Variants in RBFOX1 observed in about 807,000 individuals in gnomAD.
RBFOX1 encodes the protein RNA binding protein fox-1 homolog 1.
RBFOX1 carries 8 observed loss-of-function variants against 57.7 expected under a neutral mutation model. The observed-to-expected ratio is 0.14, with a 90% CI of 0.08 to 0.25. The LOEUF is 0.25. Ranked by LOEUF, RBFOX1 falls within the 10% of genes least tolerant of loss-of-function variation. The pLI is 1.00. For missense variants in RBFOX1, 611 were observed against 548.5 expected (o/e 1.11, Z -1.14); for synonymous variants, 326 against 222.4 (o/e 1.47, Z -4.15).
chr16:5,449,751 G>C (rs756151439), intron 1 of RBFOX1, among the ~76,000 whole-genome samples: 2 of 152,074 alleles, frequency 1.3e-5, no homozygotes, highest in Non-Finnish European at 2.9e-5. Flanking sequence ...TGGAAACACA[G>C]ATGTATGCCA....
At chr16:6,337,127 T>C (rs1326556373) in intron 2 of RBFOX1, among the ~76,000 whole-genome samples, 1 of 152,184 alleles carries the variant, frequency 6.6e-6, no homozygotes, top group East Asian at 1.9e-4. Flanking sequence ...TATAAATGCT[T>C]TATATTTATC....
chr16:7,066,678 C>G (rs757113187), intron 4 of RBFOX1, among the ~76,000 whole-genome samples: 1 of 152,120 alleles, frequency 6.6e-6, no homozygotes, highest in Non-Finnish European at 1.5e-5. Context: ...TCTATGTGTT[C>G]TAATTTAAGG....
At chr16:6,472,077 G>C (rs2095189052) in intron 2 of RBFOX1, among the ~76,000 whole-genome samples, 2 of 152,040 alleles carry the variant, frequency 1.3e-5, no homozygotes, top group Non-Finnish European at 2.9e-5. Flanking sequence ...TCGCTGACTA[G>C]TCATCAGACT....
At chr16:7,217,825 A>G (rs2092339313) in intron 4 of RBFOX1, among the ~76,000 whole-genome samples, 1 of 152,180 alleles carries the variant, frequency 6.6e-6, no homozygotes. Context: ...AAAGACTTAC[A>G]GCATTGTCAC....
At chr16:6,418,769 T>G (rs1230675462) in intron 2 of RBFOX1, among the ~76,000 whole-genome samples, 2 of 152,120 alleles carry the variant, frequency 1.3e-5, no homozygotes, top group South Asian at 2.1e-4. Context: ...CCTTAATCAG[T>G]CCCCCTGCCT....
Position 7,314,533 on chromosome 16 carries a change from A to G in RBFOX1, c.28-203614A>G, listed in dbSNP as rs570644800. On this transcript the variant is annotated intron_variant, in intron 4 of 15. Coordinates refer to ENST00000550418, the MANE Select transcript of RBFOX1 (RefSeq NM_018723.4). ...TTCATTGCCTTTCTGTAAAGAATGA[A>G]TGAAGAACGGGATGCGATCTGTCTT... Among the ~76,000 whole-genome samples, 7 of 152,324 alleles carry G rather than the reference A, an allele frequency of 4.6e-5. No homozygotes were observed. In the East Asian group the frequency reaches 5.8e-4, roughly 13 times the overall value.
At chr16:7,122,844 A>C (rs1340232564) in intron 4 of RBFOX1, among the ~76,000 whole-genome samples, 2 of 152,210 alleles carry the variant, frequency 1.3e-5, no homozygotes, top group African/African-American at 4.8e-5. Context: ...CATTACATGT[A>C]CACGTGGAAT....
At chr16:5,727,314 G>A (rs969427421) in intron 3 of RBFOX1, among the ~76,000 whole-genome samples, 22 of 152,034 alleles carry the variant, frequency 1.4e-4, no homozygotes, top group Admixed American at 2.6e-4. Context: ...ACCATGATGT[G>A]AAGACTGACT....
At chr16:7,443,258 A>G (rs1444837163) in intron 4 of RBFOX1, among the ~76,000 whole-genome samples, 1 of 152,056 alleles carries the variant, frequency 6.6e-6, no homozygotes, top group Non-Finnish European at 1.5e-5. Flanking sequence ...AGTTTGATTC[A>G]TATACCAAAA....
rs1319767069 is a variant in RBFOX1, at chr16:5,599,215, C to G, written c.572C>G (p.Thr191Ser). ...TGTCCTCTAAAAAAGACCAGGCCCA[C>G]TTGGTGGACAGATCCGGGGCACAGT... The change falls in exon 3 of 3, where the codon ACT (threonine) becomes AGT (serine). Residue 191 changes from threonine (T) to serine (S), a missense_variant. Transcript: ENST00000585867. 1.3e-5 allele frequency: 9 copies of G among 698,342 alleles called. No individual in the cohort carries two copies. The Middle Eastern group carries it at 1.2e-3, about 89-fold the overall frequency. 43.3% of individuals were successfully genotyped at this position (698,342 alleles called of 1,614,324 possible).
chr16:6,326,012 G>C (rs1374776178), intron 2 of RBFOX1, among the ~76,000 whole-genome samples: 1 of 152,192 alleles, frequency 6.6e-6, no homozygotes, highest in Non-Finnish European at 1.5e-5. Flanking sequence ...TGACTGACTT[G>C]TGTGCGTGAG....
intron 1 of RBFOX1, among the ~76,000 whole-genome samples, chr16:5,255,498 A>G (rs113866963): frequency 0.035 from 5,283 of 150,292 alleles, 287 homozygotes; most frequent in African/African-American, 0.12. Context: ...CTACCAAACC[A>G]TCTATCCATC....
intron 4 of RBFOX1, among the ~76,000 whole-genome samples, chr16:7,487,430 A>G (rs944142129): frequency 1.3e-5 from 2 of 152,176 alleles, no homozygotes; most frequent in Non-Finnish European, 2.9e-5. Context: ...TGCAGTTGAG[A>G]AATTCATCTT....
chr16:7,505,461 C>T (rs1231273908), intron 4 of RBFOX1, among the ~76,000 whole-genome samples: 2 of 152,164 alleles, frequency 1.3e-5, no homozygotes, highest in South Asian at 2.1e-4. Flanking sequence ...GGATGTCGCT[C>T]ATTTTTTAAG....
At chr16:6,373,636 A>G (rs1035420513) in intron 2 of RBFOX1, among the ~76,000 whole-genome samples, 2 of 151,296 alleles carry the variant, frequency 1.3e-5, no homozygotes, top group Non-Finnish European at 3.0e-5. Context: ...TAGGAGGATG[A>G]TTGGGTGGAA....
At chr16:6,686,776 C>T (rs1330826818) in intron 3 of RBFOX1, among the ~76,000 whole-genome samples, 1 of 152,196 alleles carries the variant, frequency 6.6e-6, no homozygotes, top group East Asian at 1.9e-4. Context: ...CCATTACACA[C>T]ACCCAACCCA....
intron 1 of RBFOX1, among the ~76,000 whole-genome samples, chr16:5,362,682 C>G (rs2065588064): frequency 6.6e-6 from 1 of 151,984 alleles, no homozygotes; most frequent in Non-Finnish European, 1.5e-5. Context: ...CACTTTATAC[C>G]CATTGAATAG....
At position 6,504,038 on chromosome 16, in the gene RBFOX1, T is replaced by C. The variant is rs181612165; in HGVS notation, c.-63-150565T>C. Reference sequence around the variant, plus strand: ...TTATACGTATGCATCTTTCTTATCTTTTATTGTTTCAGCACCACTGATAAT... The same window carrying C: ...TTATACGTATGCATCTTTCTTATCTCTTATTGTTTCAGCACCACTGATAAT... On this transcript the variant is annotated intron_variant, in intron 2 of 15. Coordinates refer to ENST00000550418, the MANE Select transcript of RBFOX1 (RefSeq NM_018723.4). Among the ~76,000 whole-genome samples the C allele has an allele frequency of 7.2e-5, 11 of 152,352 alleles. No homozygotes were observed. The East Asian group carries it at 2.1e-3, about 29-fold the overall frequency.
At chr16:5,279,301 GT>G (rs1174289130) in intron 1 of RBFOX1, among the ~76,000 whole-genome samples, 2 of 151,106 alleles carry the variant, frequency 1.3e-5, no homozygotes, top group Non-Finnish European at 3.0e-5. Flanking sequence ...TTTTGTTTTT[GT>G]TTTTGTTTTT....
Sources: gnomAD v4.1 joint callset for allele counts (sites outside exome capture counted in the v4.1 genomes callset) on GRCh38, gnomAD v4.1.1 for gene constraint, MANE v1.5 for transcripts, NCBI Gene and HGNC (gene_info 2026-07-23, HGNC 2026-07-21) for gene names.